TOR1B: variants seen among roughly 807,000 people sequenced by gnomAD.
TOR1B encodes torsin-1B.
In TOR1B, 14 loss-of-function variants were observed where a neutral mutation model predicts 29.2. The observed-to-expected ratio is 0.48, with a 90% CI of 0.32 to 0.75. The LOEUF is 0.75. TOR1B is among the 30% of genes least tolerant of loss of function. The pLI is 0.04. For missense variants in TOR1B, 400 were observed against 433.9 expected (o/e 0.92, Z 0.69); for synonymous variants, 166 against 179.8 (o/e 0.92, Z 0.62).
Position 129,810,389 on chromosome 9 carries a change from C to T in TOR1B, c.*806C>T, listed in dbSNP as rs2030793710. Reference sequence around the variant, plus strand: ...CTTCACCTAAGACCTCTGCAGCAGACCTGGACAGACAGGCCCCTCCCGCCT... The same window carrying T: ...CTTCACCTAAGACCTCTGCAGCAGATCTGGACAGACAGGCCCCTCCCGCCT... On this transcript the variant is annotated 3_prime_UTR_variant, in exon 5 of 5. Transcript: ENST00000259339. 8.1e-7 allele frequency: 1 copy of T among 1,233,568 alleles called. No homozygotes were observed. The highest frequency in any genetic ancestry group is 1.6e-5 in the African/African-American group (1 of 64,338). 76.4% of individuals were successfully genotyped at this position (1,233,568 alleles called of 1,614,324 possible).
chr9:129,810,183 A>C lies in TOR1B; in HGVS notation c.*600A>C. 1 of 1,304,232 alleles carries C rather than the reference A, an allele frequency of 7.7e-7. No individual in the cohort carries two copies. Among genetic ancestry groups the C allele is most frequent in the Non-Finnish European group, 1.0e-6 (1 of 988,938 alleles). The allele number at this position is 1,304,232 out of a possible 1,614,324, so 80.8% of individuals were successfully genotyped here. A position where few individuals can be genotyped will look rare whatever the true frequency, so the allele number is the denominator to read the frequency against. ...GCAGGCTGCGGGGCACTGTGTTCTC[A>C]TTGGCCAAAAACATCCTTTTGCTCT... On this transcript the variant is annotated 3_prime_UTR_variant, in exon 5 of 5. Transcript: ENST00000259339.
Position 129,809,720 on chromosome 9 carries a change from TGAGAA to T in TOR1B, c.*141_*145del. 4.8e-6 allele frequency: 7 copies of T among 1,457,834 alleles called. No homozygotes were observed. The highest frequency in any genetic ancestry group is 5.4e-6 in the Non-Finnish European group (6 of 1,113,126). The allele number at this position is 1,457,834 out of a possible 1,614,324, so 90.3% of individuals were successfully genotyped here. A position where few individuals can be genotyped will look rare whatever the true frequency, so the allele number is the denominator to read the frequency against. On this transcript the variant is annotated 3_prime_UTR_variant, in exon 5 of 5. Coordinates refer to ENST00000259339, the MANE Select transcript of TOR1B (RefSeq NM_014506.3). ...ACTTTTGGGTATAGAATCTTTTTTT[TGAGAA>T]GAGGTCTCACTCCGTCATCCAAGCT...
intron 4 of TOR1B, 45 bp downstream of exon 4, chr9:129,809,077 A>C: frequency 6.4e-7 from 1 of 1,562,494 alleles, no homozygotes; most frequent in East Asian, 2.3e-5. Flanking sequence ...TCCAGCAGTG[A>C]GCCGTCTGCT....
At position 129,809,650 on chromosome 9, in the gene TOR1B, A is replaced by G. The variant is rs1203849088; in HGVS notation, c.*67A>G. On this transcript the variant is annotated 3_prime_UTR_variant, in exon 5 of 5. Transcript: ENST00000259339. ...CACGCCAGAGGCCTTGCCTTTCAGA[A>G]GAACCCTGAAGACCGCTTTGGGGTT... The G allele has an allele frequency of 1.4e-5, 22 of 1,593,084 alleles. No individual in the cohort carries two copies. In the African/African-American group the frequency reaches 2.7e-4, roughly 20 times the overall value.
Position 129,804,240 on chromosome 9 carries a change from G to C in TOR1B, c.367G>C (p.Ala123Pro), listed in dbSNP as rs752628543. The C allele has an allele frequency of 6.2e-7, 1 of 1,614,218 alleles. No homozygotes were observed. Among genetic ancestry groups the C allele is most frequent in the East Asian group, 2.2e-5 (1 of 44,886 alleles). ...CAAGAATTTTGTCAGTCAAATTGTG[G>C]CTGAAAATCTTCACCCAAAAGGTCT... The part of the protein sequence containing the change: ...TGKNFVSQIV[A>P]ENLHPKGLKS... Residue 123 changes from alanine to proline, a missense_variant, in exon 2 of 5, where the codon GCT becomes CCT. Ala to Pro is a conservative substitution (Grantham distance 27). Coordinates refer to ENST00000259339, the MANE Select transcript of TOR1B (RefSeq NM_014506.3).
Position 129,810,774 on chromosome 9 carries a change from A to AC in TOR1B, c.*1191_*1192insC, listed in dbSNP as rs1471378394. The AC allele has an allele frequency of 6.5e-6, 1 of 153,956 alleles. No homozygotes were observed. Among genetic ancestry groups the AC allele is most frequent in the African/African-American group, 2.4e-5 (1 of 41,490 alleles). 9.5% of individuals were successfully genotyped at this position (153,956 alleles called of 1,614,324 possible). On this transcript the variant is annotated 3_prime_UTR_variant, in exon 5 of 5. Transcript: ENST00000259339. ...ATAGGACGTTGCTTATTTTAAAACA[A>AC]GGGAAGGACACAAAATGGAATGACT...
In TOR1B at chr9:129,807,376, C is replaced by T. The variant is rs561683385; in HGVS notation, c.641+13C>T. 7.4e-6 allele frequency: 12 copies of T among 1,611,708 alleles called. No homozygotes were observed. The highest frequency in any genetic ancestry group is 4.4e-5 in the South Asian group (4 of 90,918). ...TCATCTTTCTCAGGTCAGCGGGAGG[C>T]GGTTTTTTGGGGCACACAAGCCCTT... On this transcript the variant is annotated intron_variant, in intron 3 of 4. Coordinates refer to ENST00000259339, the MANE Select transcript of TOR1B (RefSeq NM_014506.3).
rs762385135 is a variant in TOR1B at position 129,808,956 on chromosome 9, C to T, written c.693C>T (p.Ala231=). 3.2e-5 allele frequency: 52 copies of T among 1,613,904 alleles called. No individual in the cohort carries two copies. Among genetic ancestry groups the T allele is most frequent in the East Asian group, 2.2e-4 (10 of 44,888 alleles). ...ITKTALDFWR[A]GRKREDIQLK... ...AGACGGCTCTTGACTTTTGGCGGGCCGGAAGAAAGAGGGAAGACATTCAGC... is the reference window on the plus strand; with the variant it reads ...AGACGGCTCTTGACTTTTGGCGGGCTGGAAGAAAGAGGGAAGACATTCAGC... The change falls in exon 4 of 5, where the codon GCC becomes GCT. Residue 231 remains alanine (A), a synonymous_variant. Transcript: ENST00000259339.
At chr9:129,805,085 C>T (rs1432432018) in intron 2 of TOR1B, among the ~76,000 whole-genome samples, 3 of 151,092 alleles carry the variant, frequency 2.0e-5, no homozygotes, top group Non-Finnish European at 1.5e-5. Context: ...TTGCACTGAG[C>T]CGAGATCGCG....
chr9:129,803,238 G>T lies in TOR1B; in HGVS notation c.26G>T (p.Gly9Val). 6.5e-7 allele frequency: 1 copy of T among 1,539,556 alleles called. No individual in the cohort carries two copies. Among genetic ancestry groups the T allele is most frequent in the Non-Finnish European group, 8.7e-7 (1 of 1,150,528 alleles). ...ATGTTGCGGGCTGGGTGGCTCCGGG[G>T]CGCGGCGGCGCTGGCGCTGCTGCTG... is the stretch of plus-strand genomic sequence containing the variant. MLRAGWLR[G>V]AAALALLLAA... Residue 9 changes from glycine to valine, a missense_variant, in exon 1 of 5, where the codon GGC becomes GTC. Physicochemically the swap from Gly to Val is moderately radical, Grantham distance 109. Coordinates refer to ENST00000259339, the MANE Select transcript of TOR1B (RefSeq NM_014506.3).
At chr9:129,803,939 C>T in intron 1 of TOR1B, 134 bp from the exon 2 acceptor site, 1 of 1,166,038 alleles carries the variant, frequency 8.6e-7, no homozygotes, top group Non-Finnish European at 1.2e-6. Context: ...CTGCCTCGGC[C>T]CTAGGGTGTG....
Position 129,803,405 on chromosome 9 carries a change from G to T in TOR1B, c.193G>T (p.Ala65Ser). The T allele has an allele frequency of 6.5e-7, 1 of 1,540,338 alleles. No homozygotes were observed. Among genetic ancestry groups the T allele is most frequent in the Middle Eastern group, 1.7e-4 (1 of 5,816 alleles). The change falls in exon 1 of 5, where the codon GCT (alanine) becomes TCT (serine). Residue 65 changes from alanine to serine, a missense_variant. Coordinates refer to ENST00000259339, the MANE Select transcript of TOR1B (RefSeq NM_014506.3). ...ECCREERPLNASALKLDLEEK... is the reference protein window; with the variant it reads ...ECCREERPLNSSALKLDLEEK... ...CTGCCGCGAGGAGCGGCCGCTCAAC[G>T]CTTCGGGTACGGCGCGCGCGCGAGC... is the stretch of plus-strand genomic sequence containing the variant.
At chr9:129,808,029 C>A (rs1354183318) in intron 3 of TOR1B, among the ~76,000 whole-genome samples, 3 of 151,150 alleles carry the variant, frequency 2.0e-5, no homozygotes, top group Non-Finnish European at 4.4e-5. Flanking sequence ...AATCAAGACC[C>A]CGACCCTAAA....
chr9:129,809,801 G>C lies in TOR1B; in HGVS notation c.*218G>C. 2 of 1,391,030 alleles carry C rather than the reference G, an allele frequency of 1.4e-6. No individual in the cohort carries two copies. Among genetic ancestry groups the C allele is most frequent in the Non-Finnish European group, 1.9e-6 (2 of 1,072,640 alleles). The allele number at this position is 1,391,030 out of a possible 1,614,324, so 86.2% of individuals were successfully genotyped here. ...TCACTGCAACCTCCGCTCCCGGTTTGAGTGATTCTCATGCCTCAGCCTCCC... is the reference window on the plus strand; with the variant it reads ...TCACTGCAACCTCCGCTCCCGGTTTCAGTGATTCTCATGCCTCAGCCTCCC... On this transcript the variant is annotated 3_prime_UTR_variant, in exon 5 of 5. Coordinates refer to ENST00000259339, the MANE Select transcript of TOR1B (RefSeq NM_014506.3).
rs10988520 is a variant in TOR1B, at chr9:129,803,970, C to T, written c.200-103C>T. The T allele has an allele frequency of 0.012, 18,536 of 1,499,188 alleles. 1,107 individuals carry two copies. In the African/African-American group the frequency reaches 0.16, roughly 13 times the overall value. The allele number at this position is 1,499,188 out of a possible 1,614,324, so 92.9% of individuals were successfully genotyped here. A position where few individuals can be genotyped will look rare whatever the true frequency, so the allele number is the denominator to read the frequency against. On this transcript the variant is annotated intron_variant, in intron 1 of 4. Transcript: ENST00000259339. ...GTGTGGCAGACACCCTGCTGTGTCCCTGGATAATCTGTGCTTCTTGCTTTG... is the reference window on the plus strand; with the variant it reads ...GTGTGGCAGACACCCTGCTGTGTCCTTGGATAATCTGTGCTTCTTGCTTTG...
In TOR1B at chr9:129,809,729, G is replaced by A; in HGVS notation, c.*146G>A. On this transcript the variant is annotated 3_prime_UTR_variant, in exon 5 of 5. Coordinates refer to ENST00000259339, the MANE Select transcript of TOR1B (RefSeq NM_014506.3). The stretch of plus-strand genomic sequence containing the variant: ...TATAGAATCTTTTTTTTGAGAAGAG[G>A]TCTCACTCCGTCATCCAAGCTGGAG... The A allele has an allele frequency of 6.9e-7, 1 of 1,442,416 alleles. No individual in the cohort carries two copies. Among genetic ancestry groups the A allele is most frequent in the Non-Finnish European group, 9.1e-7 (1 of 1,104,710 alleles). The allele number at this position is 1,442,416 out of a possible 1,614,324, so 89.4% of individuals were successfully genotyped here.
At chr9:129,808,869 AT>A (rs1233434239) in intron 3 of TOR1B, 35 bp from the exon 4 acceptor site, 1 of 1,611,300 alleles carries the variant, frequency 6.2e-7, no homozygotes, top group South Asian at 1.1e-5. Context: ...AAGTCTTAAT[AT>A]GTGATTTTAA....
intron 3 of TOR1B, among the ~76,000 whole-genome samples, chr9:129,808,562 T>C (rs903795881): frequency 2.7e-5 from 4 of 150,024 alleles, no homozygotes; most frequent in Non-Finnish European, 5.9e-5. Flanking sequence ...TTTTTTTTTT[T>C]TTTTGAGACC....
Position 129,810,421 on chromosome 9 carries a change from C to A in TOR1B, c.*838C>A, listed in dbSNP as rs1319404535. Reference sequence around the variant, plus strand: ...AGACAGGCCCCTCCCGCCTGTCCATCGCTCTAGCTGCTAATACAGCCCTGG... The same window carrying A: ...AGACAGGCCCCTCCCGCCTGTCCATAGCTCTAGCTGCTAATACAGCCCTGG... On this transcript the variant is annotated 3_prime_UTR_variant, in exon 5 of 5. Transcript: ENST00000259339. 1 of 1,213,034 alleles carries A rather than the reference C, an allele frequency of 8.2e-7. No homozygotes were observed. The highest frequency in any genetic ancestry group is 1.1e-6 in the Non-Finnish European group (1 of 943,610). 75.1% of individuals were successfully genotyped at this position (1,213,034 alleles called of 1,614,324 possible). A position where few individuals can be genotyped will look rare whatever the true frequency, so the allele number is the denominator to read the frequency against.
Sources: gnomAD v4.1 joint callset for allele counts (sites outside exome capture counted in the v4.1 genomes callset) on GRCh38, gnomAD v4.1.1 for gene constraint, MANE v1.5 for transcripts, NCBI Gene and HGNC (gene_info 2026-07-23, HGNC 2026-07-21) for gene names.